ITPR2: variants seen among roughly 807,000 people sequenced by gnomAD.
ITPR2 encodes inositol 1,4,5-trisphosphate-gated calcium channel ITPR2.
A neutral mutation model predicts 317.1 loss-of-function variants in ITPR2; 207 were observed. The ratio of observed to expected loss-of-function variants is 0.65; its 90% CI spans 0.58 to 0.73. The LOEUF is 0.73. Among genes scored for constraint, ITPR2 ranks in the 30% least tolerant of loss-of-function variants. The pLI, the probability that ITPR2 is intolerant of heterozygous loss-of-function variation, is 0.00. For synonymous variants in ITPR2, 1,156 were observed against 1,149.1 expected (o/e 1.01, Z -0.12); for missense variants, 2,613 against 3,284.0 (o/e 0.80, Z 4.99).
chr12:26,347,017 A>G (rs188718283), intron 55 of ITPR2, among the ~76,000 whole-genome samples: 113 of 152,312 alleles, frequency 7.4e-4, no homozygotes, highest in African/African-American at 2.6e-3. Context: ...GCCCACACCC[A>G]GTATACTGCA....
chr12:26,588,606 C>T (rs532842685), intron 32 of ITPR2, among the ~76,000 whole-genome samples: 1 of 152,104 alleles, frequency 6.6e-6, no homozygotes, highest in South Asian at 2.1e-4. Flanking sequence ...TATATCTTTA[C>T]TCCAACCTCT....
At chr12:26,445,050 A>G (rs2136743893) in intron 45 of ITPR2, among the ~76,000 whole-genome samples, 1 of 152,284 alleles carries the variant, frequency 6.6e-6, no homozygotes, top group East Asian at 1.9e-4. Context: ...AAATTACTGT[A>G]ATCTTTAGGT....
intron 2 of ITPR2, among the ~76,000 whole-genome samples, chr12:26,752,463 T>C (rs59130513): frequency 0.012 from 1,824 of 152,166 alleles, 40 homozygotes; most frequent in African/African-American, 0.042. Context: ...GCCACAAGAG[T>C]GACCTCTGGT....
At chr12:26,669,985 G>C (rs1054910867) in intron 13 of ITPR2, among the ~76,000 whole-genome samples, 21 of 152,222 alleles carry the variant, frequency 1.4e-4, no homozygotes, top group Non-Finnish European at 2.9e-4. Context: ...AGGCGGCAGC[G>C]AGGCTGGGGG....
chr12:26,554,538 G>C (rs534774713), intron 36 of ITPR2, among the ~76,000 whole-genome samples: 49 of 152,280 alleles, frequency 3.2e-4, no homozygotes, highest in Non-Finnish European at 6.5e-4. Flanking sequence ...AAATGAATGA[G>C]CACTACTGTA....
At chr12:26,785,008 G>A (rs555147161) in intron 2 of ITPR2, among the ~76,000 whole-genome samples, 1 of 18,682 alleles carries the variant, frequency 5.4e-5, no homozygotes, top group Admixed American at 7.9e-4. Context: ...CTGTCTGGGA[G>A]GTGAGGAGCG....
chr12:26,602,224 C>T, intron 28 of ITPR2, 146 bp downstream of exon 28: 1 of 734,962 alleles, frequency 1.4e-6, no homozygotes. Context: ...AGAAAACATA[C>T]ACAAAAGGGC....
In ITPR2 at chr12:26,832,987, C is replaced by T. The variant is rs563050799; in HGVS notation, c.-206G>A. The T allele has an allele frequency of 1.9e-5, 10 of 520,592 alleles. No individual in the cohort carries two copies. Among genetic ancestry groups the T allele is most frequent in the African/African-American group, 1.8e-4 (9 of 48,684 alleles). 32.2% of individuals were successfully genotyped at this position (520,592 alleles called of 1,614,324 possible). A position where few individuals can be genotyped will look rare whatever the true frequency, so the allele number is the denominator to read the frequency against. On this transcript the variant is annotated 5_prime_UTR_variant, in exon 1 of 57. Transcript: ENST00000381340. ...AAGCCAGACCGGGGCCAAGCCGCAG[C>T]TGCGGACACCCCGCGAAGAGCGCAG...
At chr12:26,492,513 T>C (rs1591827367) in intron 39 of ITPR2, among the ~76,000 whole-genome samples, 1 of 151,938 alleles carries the variant, frequency 6.6e-6, no homozygotes, top group Non-Finnish European at 1.5e-5. Flanking sequence ...CTTTATCTAA[T>C]GTTATGTGGT....
Position 26,438,298 on chromosome 12 carries a change from C to G in ITPR2, c.6643+829G>C, listed in dbSNP as rs913540750. On this transcript the variant is annotated intron_variant, in intron 47 of 56. Coordinates refer to ENST00000381340, the MANE Select transcript of ITPR2 (RefSeq NM_002223.4). ...ACCCCTATATCTAAAGATGATATTT[C>G]TCAAGCACCACTCAAATTCATAAAT... Among the ~76,000 whole-genome samples, 4 of 152,062 alleles carry G rather than the reference C, an allele frequency of 2.6e-5. No homozygotes were observed. The East Asian group carries it at 7.7e-4, about 29-fold the overall frequency.
At chr12:26,373,635 G>A (rs1939252589) in intron 55 of ITPR2, 2 of 152,168 alleles carry the variant, frequency 1.3e-5, no homozygotes, top group African/African-American at 4.8e-5. Flanking sequence ...AACTTGGAGG[G>A]CCGGAATATT....
chr12:26,486,972 C>G (rs750915439), intron 40 of ITPR2, 96 bp downstream of exon 40: 1 of 1,235,650 alleles, frequency 8.1e-7, no homozygotes, highest in Admixed American at 1.7e-5. Context: ...GATAATTAAA[C>G]CAAGAGAAGA....
chr12:26,495,204 A>G lies in ITPR2; in HGVS notation c.5130T>C (p.Ile1710=). 6.2e-7 allele frequency: 1 copy of G among 1,610,096 alleles called. No individual in the cohort carries two copies. The highest frequency in any genetic ancestry group is 8.5e-7 in the Non-Finnish European group (1 of 1,176,308). The stretch of plus-strand genomic sequence containing the variant: ...CTCCTGATAGGTGTCCATTCACACC[A>G]ATACTATAATCACCTTTAAAGTATC... ...LNRYFKGDYS[I]GVNGHLSGAY... Residue 1710 remains isoleucine, a synonymous_variant, in exon 38 of 57, where the codon ATT becomes ATC. Transcript: ENST00000381340.
At chr12:26,527,792 A>T (rs1399119305) in intron 37 of ITPR2, among the ~76,000 whole-genome samples, 1 of 152,222 alleles carries the variant, frequency 6.6e-6, no homozygotes. Context: ...ACAAGGATAA[A>T]GGTAATGACA....
At chr12:26,612,333 T>A (rs1946286549) in intron 26 of ITPR2, among the ~76,000 whole-genome samples, 1 of 152,218 alleles carries the variant, frequency 6.6e-6, no homozygotes, top group Non-Finnish European at 1.5e-5. Context: ...ATGAGCTGTT[T>A]TAGAACAATG....
chr12:26,823,288 G>A (rs1950965916), intron 1 of ITPR2, among the ~76,000 whole-genome samples: 1 of 152,088 alleles, frequency 6.6e-6, no homozygotes, highest in Admixed American at 6.5e-5. Context: ...CAGCAATTTT[G>A]TCAGGTGCTG....
chr12:26,516,624 A>T (rs1002669578), intron 37 of ITPR2, among the ~76,000 whole-genome samples: 22 of 152,180 alleles, frequency 1.4e-4, no homozygotes, highest in African/African-American at 4.8e-4. Context: ...TTATAAAAAA[A>T]TTTTTATATG....
chr12:26,779,184 G>A (rs1950033425), intron 2 of ITPR2, among the ~76,000 whole-genome samples: 1 of 152,160 alleles, frequency 6.6e-6, no homozygotes, highest in Admixed American at 6.5e-5. Flanking sequence ...GCCTTTGGCA[G>A]GCCTCCATAG....
At chr12:26,510,520 T>G (rs1169982405) in intron 37 of ITPR2, among the ~76,000 whole-genome samples, 1 of 152,190 alleles carries the variant, frequency 6.6e-6, no homozygotes, top group African/African-American at 2.4e-5. Flanking sequence ...GATCACAATG[T>G]CAGCTTTTTC....
Sources: gnomAD v4.1 joint callset for allele counts (sites outside exome capture counted in the v4.1 genomes callset) on GRCh38, gnomAD v4.1.1 for gene constraint, MANE v1.5 for transcripts, NCBI Gene and HGNC (gene_info 2026-07-23, HGNC 2026-07-21) for gene names.